NARS2: variants seen among roughly 807,000 people sequenced by gnomAD.
NARS2 encodes the protein asparaginyl-tRNA synthetase 2, mitochondrial, also known as asparaginyl-tRNA synthetase.
Under a neutral mutation model 62.9 loss-of-function variants are expected in NARS2, and 60 were observed. That is an observed-to-expected ratio of 0.95 (90% confidence interval 0.77 to 1.18). The LOEUF (loss-of-function observed/expected upper bound fraction) is 1.18, where lower values mean the gene tolerates loss of function less well. NARS2 is among the 50% of genes most tolerant of loss of function. NARS2 has a pLI of 0.00. For synonymous variants in NARS2, 196 were observed against 200.0 expected (o/e 0.98, Z 0.17); for missense variants, 619 against 576.4 (o/e 1.07, Z -0.76).
At chr11:78,440,973 G>T in intron 13 of NARS2, 118 bp downstream of exon 13, 1 of 887,872 alleles carries the variant, frequency 1.1e-6, no homozygotes, top group Non-Finnish European at 1.8e-6. Flanking sequence ...CCTAAGAACA[G>T]TTAAGTTCAT....
intron 11 of NARS2, among the ~76,000 whole-genome samples, chr11:78,445,578 T>C (rs1466237696): frequency 1.3e-5 from 2 of 152,210 alleles, no homozygotes; most frequent in Non-Finnish European, 2.9e-5. Flanking sequence ...GCCAAGATCA[T>C]GCCACTGTAC....
chr11:78,478,136 AT>A (rs1450473786), intron 9 of NARS2, among the ~76,000 whole-genome samples: 1 of 152,096 alleles, frequency 6.6e-6, no homozygotes, highest in Non-Finnish European at 1.5e-5. Flanking sequence ...TAAAGTTAGT[AT>A]AAGTTTGAAT....
intron 5 of NARS2, among the ~76,000 whole-genome samples, chr11:78,551,338 T>C (rs1856101573): frequency 1.3e-5 from 2 of 152,314 alleles, no homozygotes; most frequent in South Asian, 4.1e-4. Flanking sequence ...TTACTGATAC[T>C]ACTGAATACT....
intron 10 of NARS2, 128 bp from the exon 11 acceptor site, chr11:78,466,141 G>T: frequency 1.1e-6 from 1 of 920,966 alleles, no homozygotes; most frequent in Non-Finnish European, 1.6e-6. Context: ...GGAGCTAGCT[G>T]CTAAGGTTAC....
intron 9 of NARS2, among the ~76,000 whole-genome samples, chr11:78,470,703 A>T (rs1004595789): frequency 1.3e-5 from 2 of 152,278 alleles, no homozygotes; most frequent in South Asian, 4.1e-4. Flanking sequence ...CAAAGTTATT[A>T]TACACTGATT....
At chr11:78,555,322 C>A (rs1856309447) in intron 5 of NARS2, 1 of 152,174 alleles carries the variant, frequency 6.6e-6, no homozygotes, top group South Asian at 2.1e-4. Flanking sequence ...CTTCATTGTA[C>A]ATCTGGTAGA....
At chr11:78,560,752 A>G (rs1856530193) in intron 4 of NARS2, among the ~76,000 whole-genome samples, 1 of 152,270 alleles carries the variant, frequency 6.6e-6, no homozygotes, top group South Asian at 2.1e-4. Context: ...CTCAGAAAGT[A>G]TTAAAATGTA....
chr11:78,441,943 T>C (rs1857588844), intron 12 of NARS2, among the ~76,000 whole-genome samples: 1 of 152,202 alleles, frequency 6.6e-6, no homozygotes, highest in South Asian at 2.1e-4. Flanking sequence ...TTAAAAAATG[T>C]GTTTTGGACC....
chr11:78,521,606 T>C (rs61068368), intron 6 of NARS2, among the ~76,000 whole-genome samples: 13,976 of 151,874 alleles, frequency 0.092, 2,077 homozygotes, highest in African/African-American at 0.31. Context: ...CCGGCTAAAA[T>C]GGTGAAACCT....
chr11:78,544,795 C>CA (rs35180232), intron 5 of NARS2, among the ~76,000 whole-genome samples: 4,925 of 63,102 alleles, frequency 0.078, 333 homozygotes, highest in African/African-American at 0.22. Flanking sequence ...CTCCGTCTCA[C>CA]AAAAAAAAAA....
intron 6 of NARS2, among the ~76,000 whole-genome samples, chr11:78,500,152 T>C (rs147447281): frequency 6.6e-6 from 1 of 152,342 alleles, no homozygotes; most frequent in East Asian, 1.9e-4. Context: ...AACAATTTCC[T>C]GGACTCAAGT....
intron 10 of NARS2, among the ~76,000 whole-genome samples, chr11:78,467,047 A>G (rs945378809): frequency 3.9e-5 from 6 of 152,360 alleles, no homozygotes; most frequent in Non-Finnish European, 7.3e-5. Flanking sequence ...TGTAATACAT[A>G]AAGATCTGAC....
rs1040690741 is a variant in NARS2, at chr11:78,559,591, G to T, written c.542C>A (p.Pro181Gln). The change falls in exon 5 of 14, where the codon CCA (proline) becomes CAA (glutamine). Residue 181 changes from proline (P) to glutamine (Q), a missense_variant. By Grantham distance (76) the Pro-to-Gln change is moderately conservative (BLOSUM62 -1). Transcript: ENST00000281038. ...KDSGFVHIHTPIITSNDSEGA... is the reference protein window; with the variant it reads ...KDSGFVHIHTQIITSNDSEGA... ...CTCAGAGTCATTGGATGTGATTATT[G>T]GAGTATGAATATGTACAAAGCCACT... is the stretch of plus-strand genomic sequence containing the variant. 2 of 1,612,848 alleles carry T rather than the reference G, an allele frequency of 1.2e-6. No homozygotes were observed. The highest frequency in any genetic ancestry group is 1.1e-5 in the South Asian group (1 of 91,048).
intron 5 of NARS2, among the ~76,000 whole-genome samples, chr11:78,535,389 A>G (rs1861634151): frequency 1.3e-5 from 2 of 152,206 alleles, no homozygotes; most frequent in African/African-American, 4.8e-5. Context: ...TATAAAAAAC[A>G]TTTTTTAAAG....
At chr11:78,493,675 A>C (rs944351837) in intron 6 of NARS2, among the ~76,000 whole-genome samples, 4 of 144,052 alleles carry the variant, frequency 2.8e-5, no homozygotes, top group African/African-American at 1.0e-4. Context: ...ACAAACAAAC[A>C]AAAAAAAAAA....
intron 7 of NARS2, among the ~76,000 whole-genome samples, chr11:78,483,344 T>TC (rs1859438427): frequency 6.6e-6 from 1 of 152,132 alleles, no homozygotes; most frequent in South Asian, 2.1e-4. Context: ...AAGGATGCCC[T>TC]CTCTCACCAC....
intron 6 of NARS2, among the ~76,000 whole-genome samples, chr11:78,502,764 G>C (rs1035277882): frequency 6.6e-6 from 1 of 152,148 alleles, no homozygotes; most frequent in Non-Finnish European, 1.5e-5. Flanking sequence ...GCCAAGGCAC[G>C]TGAATCAGCT....
At chr11:78,543,861 T>C (rs1319401030) in intron 5 of NARS2, among the ~76,000 whole-genome samples, 1 of 151,736 alleles carries the variant, frequency 6.6e-6, no homozygotes, top group Non-Finnish European at 1.5e-5. Context: ...TGAAAACCCG[T>C]CTCTACTAAA....
At chr11:78,530,886 G>A (rs1161395671) in intron 5 of NARS2, among the ~76,000 whole-genome samples, 2 of 152,114 alleles carry the variant, frequency 1.3e-5, no homozygotes, top group Non-Finnish European at 2.9e-5. Flanking sequence ...GCTTTCCAAT[G>A]TCATGTTAGC....
Sources: allele counts gnomAD v4.1 joint callset (sites outside exome capture counted in the v4.1 genomes callset), GRCh38; gene constraint gnomAD v4.1.1; transcripts MANE v1.5; gene names NCBI Gene and HGNC (gene_info 2026-07-23, HGNC 2026-07-21).